RGS13: variants seen among roughly 807,000 people sequenced by gnomAD.
RGS13 encodes regulator of G protein signaling 13.
Under a neutral mutation model 19.9 loss-of-function variants are expected in RGS13, and 14 were observed. That is an observed-to-expected ratio of 0.70 (90% confidence interval 0.46 to 1.10). RGS13 has a LOEUF of 1.10. Ranked by LOEUF, RGS13 falls within the 50% of genes least tolerant of loss-of-function variation. The pLI is 0.00. For missense variants in RGS13, 205 were observed against 187.1 expected (o/e 1.10, Z -0.56); for synonymous variants, 60 against 56.8 (o/e 1.06, Z -0.25).
intron 5 of RGS13, among the ~76,000 whole-genome samples, chr1:192,654,140 TTAAG>T (rs1245626504): frequency 9.2e-5 from 14 of 151,822 alleles, no homozygotes; most frequent in African/African-American, 2.9e-4. Context: ...GCTATTAAAA[TTAAG>T]TATTTCTCAA....
intron 3 of RGS13, among the ~76,000 whole-genome samples, chr1:192,641,306 G>GAAAGAAAGAAAGAAAGAA (rs201039158): frequency 1.4e-4 from 15 of 105,566 alleles, no homozygotes; most frequent in South Asian, 6.7e-4. Flanking sequence ...AAGAAAGAAA[G>GAAAGAAAGAAAGAAAGAA]AAAAGAAAGA....
chr1:192,641,110 A>G (rs1266210973), intron 3 of RGS13, among the ~76,000 whole-genome samples: 1 of 151,702 alleles, frequency 6.6e-6, no homozygotes, highest in Non-Finnish European at 1.5e-5. Context: ...AAAGAGAGAG[A>G]AAGAGAGAAA....
chr1:192,644,637 G>C lies in RGS13; in HGVS notation c.65+238G>C, dbSNP rs78256934. ...AATGCTTTAGAATCTATTATGAATA[G>C]TCTCTGTTCTTTTTAAAAAACAAAG... On this transcript the variant is annotated intron_variant, in intron 4 of 6. Transcript: ENST00000391995. 2,457 of 365,358 alleles carry C rather than the reference G, an allele frequency of 6.7e-3. 79 individuals are homozygous for C. Among genetic ancestry groups the C allele is most frequent in the Admixed American group, 0.065 (1,415 of 21,926 alleles). The allele number at this position is 365,358 out of a possible 1,614,324, so 22.6% of individuals were successfully genotyped here.
chr1:192,644,280 A>G (rs1429998855), intron 3 of RGS13, 51 bp from the exon 4 acceptor site: 6 of 1,303,116 alleles, frequency 4.6e-6, no homozygotes, highest in South Asian at 4.1e-5. Flanking sequence ...ACTGTAACAT[A>G]CAATTATTTT....
At chr1:192,654,852 C>CT (rs1167507348) in intron 5 of RGS13, among the ~76,000 whole-genome samples, 2 of 152,052 alleles carry the variant, frequency 1.3e-5, no homozygotes, top group African/African-American at 4.8e-5. Context: ...AGGCACCACT[C>CT]TCACTTTTTA....
chr1:192,649,799 C>T (rs1433503600), intron 5 of RGS13, among the ~76,000 whole-genome samples: 1 of 152,086 alleles, frequency 6.6e-6, no homozygotes, highest in East Asian at 1.9e-4. Context: ...ATTCAAGTGC[C>T]ACTTTCTCCA....
intron 3 of RGS13, among the ~76,000 whole-genome samples, chr1:192,639,706 T>C (rs1450799785): frequency 1.3e-5 from 2 of 152,114 alleles, no homozygotes; most frequent in African/African-American, 4.8e-5. Flanking sequence ...GAAATGAGAA[T>C]CTGAGGTTTA....
chr1:192,657,083 T>C (rs1663456714), intron 5 of RGS13, among the ~76,000 whole-genome samples: 1 of 152,144 alleles, frequency 6.6e-6, no homozygotes, highest in South Asian at 2.1e-4. Flanking sequence ...ATTGTGGTGA[T>C]GGTTTCTTGG....
Position 192,636,195 on chromosome 1 carries a change from C to T in RGS13, c.-238C>T, listed in dbSNP as rs6658382. 54,731 of 151,902 alleles carry T rather than the reference C, an allele frequency of 0.36. 12,030 individuals are homozygous for T. Among genetic ancestry groups the T allele is most frequent in the East Asian group, 0.59 (3,050 of 5,136 alleles). The allele number at this position is 151,902 out of a possible 1,614,324, so 9.4% of individuals were successfully genotyped here. A position where few individuals can be genotyped will look rare whatever the true frequency, so the allele number is the denominator to read the frequency against. On this transcript the variant is annotated 5_prime_UTR_variant, in exon 1 of 7. Transcript: ENST00000391995. ...AAGGTAATTATAGAGACAGTAAAAT[C>T]CTTTTACTCTGGGAAAAATAAAATG...
intron 5 of RGS13, among the ~76,000 whole-genome samples, chr1:192,651,630 C>A (rs1292983701): frequency 1.3e-5 from 2 of 151,858 alleles, no homozygotes; most frequent in African/African-American, 2.4e-5. Flanking sequence ...TAGGAGGGAA[C>A]CAGAAAAAAA....
rs1663591134 is a variant in RGS13 at position 192,659,935 on chromosome 1, CTT to C, written c.*413_*414del. The C allele has an allele frequency of 6.4e-6, 1 of 155,194 alleles. No individual in the cohort carries two copies. The highest frequency in any genetic ancestry group is 1.4e-5 in the Non-Finnish European group (1 of 70,428). 9.6% of individuals were successfully genotyped at this position (155,194 alleles called of 1,614,324 possible). On this transcript the variant is annotated 3_prime_UTR_variant, in exon 7 of 7. Coordinates refer to ENST00000391995, the MANE Select transcript of RGS13 (RefSeq NM_002927.5). ...ATGTTCTATAGAGTACTCTAAATAACTTGAATTTATAGACAAATGCTACTCAC... is the reference window on the plus strand; with the variant it reads ...ATGTTCTATAGAGTACTCTAAATAACGAATTTATAGACAAATGCTACTCAC...
chr1:192,656,982 A>G (rs369075490), intron 5 of RGS13, among the ~76,000 whole-genome samples: 1 of 152,100 alleles, frequency 6.6e-6, no homozygotes, highest in Non-Finnish European at 1.5e-5. Flanking sequence ...TCTGGCTACC[A>G]TTATTTCTCA....
At chr1:192,641,254 A>AAAGAAAAGAAAG (rs1553257010) in intron 3 of RGS13, among the ~76,000 whole-genome samples, 44 of 67,462 alleles carry the variant, frequency 6.5e-4, no homozygotes, top group South Asian at 3.4e-3. Context: ...GAAAAGAAAG[A>AAAGAAAAGAAAG]AAAGAAAGAA....
At chr1:192,657,074 T>C (rs944431899) in intron 5 of RGS13, among the ~76,000 whole-genome samples, 2 of 152,126 alleles carry the variant, frequency 1.3e-5, no homozygotes, top group African/African-American at 2.4e-5. Flanking sequence ...ATGGCATTGA[T>C]TGTGGTGATG....
chr1:192,642,430 T>G (rs1663141326), intron 3 of RGS13, among the ~76,000 whole-genome samples: 2 of 151,280 alleles, frequency 1.3e-5, no homozygotes, highest in African/African-American at 4.9e-5. Context: ...CAAGTGATCC[T>G]CCCACCTCAG....
In RGS13 at chr1:192,644,302, T is replaced by G; in HGVS notation, c.-4-29T>G. 4 of 1,461,696 alleles carry G rather than the reference T, an allele frequency of 2.7e-6. No individual in the cohort carries two copies. In the East Asian group the frequency reaches 9.2e-5, roughly 34 times the overall value. 90.5% of individuals were successfully genotyped at this position (1,461,696 alleles called of 1,614,324 possible). Reference sequence around the variant, plus strand: ...CATACAATTATTTTAAATGATTAAATTATACAAATATATACTGTATTTCCT... The same window carrying G: ...CATACAATTATTTTAAATGATTAAAGTATACAAATATATACTGTATTTCCT... On this transcript the variant is annotated intron_variant, in intron 3 of 6. Transcript: ENST00000391995.
intron 3 of RGS13, among the ~76,000 whole-genome samples, chr1:192,641,236 GAAAGAAAGAAAAGAAAGA>G (rs1163998960): frequency 4.2e-5 from 4 of 94,742 alleles, no homozygotes; most frequent in East Asian, 7.5e-4. Flanking sequence ...AAGAAAGAAA[GAAAGAAAGAAAAGAAAGA>G]AAAGAAAGAA....
At chr1:192,653,827 AT>A (rs1663386083) in intron 5 of RGS13, among the ~76,000 whole-genome samples, 2 of 152,048 alleles carry the variant, frequency 1.3e-5, no homozygotes, top group Admixed American at 6.6e-5. Context: ...AAAAGGAAAT[AT>A]ACCAAATTGT....
At chr1:192,657,994 T>C (rs2296022) in intron 5 of RGS13, among the ~76,000 whole-genome samples, 23,392 of 152,120 alleles carry the variant, frequency 0.15, 4,229 homozygotes, top group African/African-American at 0.44. Context: ...GATGACATCA[T>C]CAGTGATCAG....
Sources: gnomAD v4.1 joint callset for allele counts (sites outside exome capture counted in the v4.1 genomes callset) on GRCh38, gnomAD v4.1.1 for gene constraint, MANE v1.5 for transcripts, NCBI Gene and HGNC (gene_info 2026-07-23, HGNC 2026-07-21) for gene names.